Variants in BSPH1 observed in about 807,000 individuals in gnomAD.
BSPH1 encodes the protein binder of sperm 1.
BSPH1 carries 21 observed loss-of-function variants against 22.5 expected under a neutral mutation model. The ratio of observed to expected loss-of-function variants is 0.93; its 90% confidence interval spans 0.66 to 1.35. The LOEUF is 1.35. BSPH1 is among the 40% of genes most tolerant of loss of function. The pLI is 0.00. For missense variants in BSPH1, 141 were observed against 154.2 expected (o/e 0.91, Z 0.45); for synonymous variants, 42 against 53.6 (o/e 0.78, Z 0.95).
intron 3 of BSPH1, among the ~76,000 whole-genome samples, 164 bp downstream of exon 3, chr19:47,979,406 T>G (rs544195174): frequency 7.2e-5 from 11 of 152,326 alleles, no homozygotes; most frequent in African/African-American, 2.4e-4. Flanking sequence ...TCAGAGTGAC[T>G]TCTATACCTC....
rs1174415601 is a variant in BSPH1 at position 47,977,338 on chromosome 19, T to C, written c.256+35A>G. The C allele has an allele frequency of 2.0e-6, 3 of 1,512,328 alleles. No homozygotes were observed. In the Admixed American group the frequency reaches 6.0e-5, roughly 30 times the overall value. 93.7% of individuals were successfully genotyped at this position (1,512,328 alleles called of 1,614,324 possible). A position where few individuals can be genotyped will look rare whatever the true frequency, so the allele number is the denominator to read the frequency against. On this transcript the variant is annotated intron_variant, in intron 4 of 5. Transcript: ENST00000344839. Reference sequence around the variant, plus strand: ...AGATCCCAGCCTCAGAGACCAAGATTACTGCTCTGAGGTATTTAGAGACAG... The same window carrying C: ...AGATCCCAGCCTCAGAGACCAAGATCACTGCTCTGAGGTATTTAGAGACAG...
In BSPH1 at chr19:47,976,897, T is replaced by C. The variant is rs1033059515; in HGVS notation, c.257-43A>G. 9.7e-6 allele frequency: 15 copies of C among 1,541,722 alleles called. No homozygotes were observed. The Middle Eastern group carries it at 1.3e-3, about 138-fold the overall frequency. ...GAAGAAGCAGAGTAAGAAACCTTTC[T>C]AATTTGCACCCACCTCCACCACACC... On this transcript the variant is annotated intron_variant, in intron 4 of 5. Transcript: ENST00000344839.
chr19:47,975,712 G>A (rs6509351), intron 5 of BSPH1, among the ~76,000 whole-genome samples: 27,883 of 145,902 alleles, frequency 0.19, 2,792 homozygotes, highest in Non-Finnish European at 0.22. Flanking sequence ...CTGGAGTGCA[G>A]TGGTGCGATC....
chr19:47,982,596 C>A (rs1969429129), intron 1 of BSPH1, among the ~76,000 whole-genome samples: 1 of 152,226 alleles, frequency 6.6e-6, no homozygotes, highest in African/African-American at 2.4e-5. Context: ...ATCCCTTCCA[C>A]TTCTGGGTAT....
chr19:47,991,905 TC>T (rs1966875796), intron 1 of BSPH1, 103 bp downstream of exon 1: 1 of 664,110 alleles, frequency 1.5e-6, no homozygotes, highest in South Asian at 1.9e-5. Context: ...TTCCTCCTCT[TC>T]TTTCATCTTT....
intron 1 of BSPH1, among the ~76,000 whole-genome samples, chr19:47,984,877 C>G (rs985149872): frequency 6.6e-6 from 1 of 151,924 alleles, no homozygotes; most frequent in Non-Finnish European, 1.5e-5. Flanking sequence ...GAGTTCAAGA[C>G]CAGCCTGGCC....
intron 1 of BSPH1, among the ~76,000 whole-genome samples, chr19:47,991,653 C>CCTT (rs146875843): frequency 0.5 from 35,003 of 70,348 alleles, 10,533 homozygotes; most frequent in African/African-American, 0.59. Flanking sequence ...CCCTCCTCCT[C>CCTT]CGTCTGCTCC....
chr19:47,990,059 C>A (rs1285572998), intron 1 of BSPH1, among the ~76,000 whole-genome samples: 1 of 138,368 alleles, frequency 7.2e-6, no homozygotes. Context: ...GCTGAGGTTG[C>A]GGTGAGCCGA....
intron 1 of BSPH1, among the ~76,000 whole-genome samples, chr19:47,989,902 G>A (rs12463109): frequency 0.17 from 25,893 of 151,754 alleles, 2,480 homozygotes; most frequent in Non-Finnish European, 0.21. Context: ...GTGAATCACC[G>A]AAGATCAGGA....
rs191043395 is a variant in BSPH1, at chr19:47,973,121, G to A, written c.*2+3589C>T. 6.1e-3 allele frequency among the ~76,000 whole-genome samples: 923 copies of A among 151,590 alleles called. 14 individuals are homozygous for A. Among genetic ancestry groups the A allele is most frequent in the East Asian group, 0.052 (266 of 5,160 alleles). On this transcript the variant is annotated intron_variant, in intron 5 of 5. Transcript: ENST00000344839. The stretch of plus-strand genomic sequence containing the variant: ...AGTCCCAGCTTCTCGGGAGGCTGAG[G>A]CAGGAGAATGGTGTGAACCTGGGAG...
intron 3 of BSPH1, 132 bp downstream of exon 3, chr19:47,979,438 A>G: frequency 1.9e-6 from 1 of 531,336 alleles, no homozygotes; most frequent in Non-Finnish European, 3.4e-6. Flanking sequence ...TCTGTTTATG[A>G]GGCACTTATG....
chr19:47,977,694 G>A, intron 3 of BSPH1, 190 bp from the exon 4 acceptor site: 1 of 984,738 alleles, frequency 1.0e-6, no homozygotes, highest in African/African-American at 1.7e-5. Flanking sequence ...TTATATTCCT[G>A]CCCCTGCCCT....
chr19:47,974,682 C>G (rs1295672250), intron 5 of BSPH1, among the ~76,000 whole-genome samples: 2 of 152,038 alleles, frequency 1.3e-5, no homozygotes, highest in African/African-American at 4.8e-5. Flanking sequence ...CTCCCACGCT[C>G]TCAATTCCAG....
chr19:47,975,249 T>A (rs1460058542), intron 5 of BSPH1, among the ~76,000 whole-genome samples: 1 of 152,214 alleles, frequency 6.6e-6, no homozygotes, highest in Non-Finnish European at 1.5e-5. Context: ...CAGGCTAGTC[T>A]CGAACTCCAG....
intron 5 of BSPH1, among the ~76,000 whole-genome samples, chr19:47,976,324 T>A (rs1191785845): frequency 6.6e-6 from 1 of 151,706 alleles, no homozygotes; most frequent in East Asian, 1.9e-4. Flanking sequence ...AGAAACGGGG[T>A]CTTGCTATGT....
At chr19:47,974,312 C>T (rs1336149045) in intron 5 of BSPH1, among the ~76,000 whole-genome samples, 1 of 147,228 alleles carries the variant, frequency 6.8e-6, no homozygotes, top group Admixed American at 6.9e-5. Context: ...CTCTGTCACC[C>T]AGGCTGGAGT....
At chr19:47,983,039 T>C (rs922569069) in intron 1 of BSPH1, among the ~76,000 whole-genome samples, 24 of 152,280 alleles carry the variant, frequency 1.6e-4, no homozygotes, top group African/African-American at 5.8e-4. Flanking sequence ...ATTGCACAAT[T>C]TGAATGCATT....
chr19:47,983,069 A>C (rs549794950), intron 1 of BSPH1, among the ~76,000 whole-genome samples: 2 of 152,176 alleles, frequency 1.3e-5, no homozygotes, highest in Non-Finnish European at 2.9e-5. Flanking sequence ...TGAACTGTGC[A>C]CTGGTTCCAG....
At chr19:47,972,642 T>C (rs1969320546) in intron 5 of BSPH1, among the ~76,000 whole-genome samples, 1 of 152,150 alleles carries the variant, frequency 6.6e-6, no homozygotes, top group Non-Finnish European at 1.5e-5. Context: ...GAGCTGGATT[T>C]TAAATAGAAA....
Sources: gnomAD v4.1 joint callset for allele counts (sites outside exome capture counted in the v4.1 genomes callset) on GRCh38, gnomAD v4.1.1 for gene constraint, MANE v1.5 for transcripts, NCBI Gene and HGNC (gene_info 2026-07-23, HGNC 2026-07-21) for gene names.